Variants in ICE1 observed in about 807,000 individuals in gnomAD.
ICE1 encodes the protein little elongation complex subunit 1.
In ICE1, 64 loss-of-function variants were observed where a neutral mutation model predicts 192.7. That is an observed-to-expected ratio of 0.33 (90% CI 0.27 to 0.41). The LOEUF is 0.41. Among genes scored for constraint, ICE1 ranks in the 10% least tolerant of loss-of-function variants. The pLI is 1.00. For synonymous variants in ICE1, 1,010 were observed against 984.5 expected (o/e 1.03, Z -0.49); for missense variants, 2,708 against 2,696.0 (o/e 1.00, Z -0.10).
At chr5:5,475,701 G>C (rs1739286936) in intron 16 of ICE1, among the ~76,000 whole-genome samples, 1 of 152,178 alleles carries the variant, frequency 6.6e-6, no homozygotes. Context: ...CTGGGACACT[G>C]GGGATGCTCT....
rs1561067398 is a variant in ICE1, at chr5:5,422,991, C to G, written c.76C>G (p.Leu26Val). ...GTCGCGATGTCAGGGCTGCGCCTCT[C>G]TGCAGCAGGTGCAGCACCTCCCGGG... ...DLSRCQGCASLQQNLNEYVEA... is the reference protein window; with the variant it reads ...DLSRCQGCASVQQNLNEYVEA... Residue 26 changes from leucine to valine, a missense_variant, in exon 1 of 19, where the codon CTG becomes GTG. Leu to Val is a conservative substitution (Grantham distance 32). This residue lies in a region of ICE1 where 2,366 missense variants were observed against 2,276.6 expected (regional missense o/e 1.04). Coordinates refer to ENST00000296564, the MANE Select transcript of ICE1 (RefSeq NM_015325.3). The G allele has an allele frequency of 1.4e-6, 2 of 1,441,628 alleles. No homozygotes were observed. Among genetic ancestry groups the G allele is most frequent in the Non-Finnish European group, 1.8e-6 (2 of 1,097,916 alleles). 89.3% of individuals were successfully genotyped at this position (1,441,628 alleles called of 1,614,324 possible). A position where few individuals can be genotyped will look rare whatever the true frequency, so the allele number is the denominator to read the frequency against.
chr5:5,443,338 G>A, intron 6 of ICE1, 94 bp downstream of exon 6: 1 of 664,240 alleles, frequency 1.5e-6, no homozygotes, highest in Non-Finnish European at 2.4e-6. Context: ...TACAGTCTTT[G>A]GATTTCTTGG....
chr5:5,453,924 T>G (rs532373614), intron 10 of ICE1, among the ~76,000 whole-genome samples: 7 of 152,320 alleles, frequency 4.6e-5, no homozygotes, highest in African/African-American at 1.4e-4. Flanking sequence ...TTTACTTTCC[T>G]TATAAAAGTA....
chr5:5,464,563 G>C lies in ICE1; in HGVS notation c.5229G>C (p.Gly1743=). 6.2e-7 allele frequency: 1 copy of C among 1,613,082 alleles called. No homozygotes were observed. The change falls in exon 13 of 19, where the codon GGG becomes GGC. Residue 1743 remains glycine, a synonymous_variant. Coordinates refer to ENST00000296564, the MANE Select transcript of ICE1 (RefSeq NM_015325.3). This position sits in a 1 kb window ranked among gnomAD's most constrained non-coding sequence, Gnocchi z 4.0. The part of the protein sequence containing the change: ...PCASGHAAVG[G]PQENSVKILD... ...CATCTGGCCACGCTGCTGTGGGAGG[G>C]CCTCAGGAGAATTCTGTGAAAATCC...
At chr5:5,470,313 T>C (rs1413579833) in intron 15 of ICE1, among the ~76,000 whole-genome samples, 1 of 152,200 alleles carries the variant, frequency 6.6e-6, no homozygotes, top group African/African-American at 2.4e-5. Flanking sequence ...GAATGTTATC[T>C]GTCCAGCCTG....
chr5:5,442,542 C>T (rs1738081784), intron 5 of ICE1, among the ~76,000 whole-genome samples: 1 of 152,170 alleles, frequency 6.6e-6, no homozygotes, highest in African/African-American at 2.4e-5. Flanking sequence ...TGATAACCCT[C>T]ATTAGTTGTT....
chr5:5,455,584 T>C (rs1335813751), intron 11 of ICE1, among the ~76,000 whole-genome samples: 1 of 152,260 alleles, frequency 6.6e-6, no homozygotes, highest in Admixed American at 6.5e-5. Context: ...ATCTAATGTT[T>C]GTATTTAAAA....
Position 5,463,638 on chromosome 5 carries a change from A to G in ICE1, c.4304A>G (p.His1435Arg), listed in dbSNP as rs867870014. The change falls in exon 13 of 19, where the codon CAT (histidine) becomes CGT (arginine). Residue 1435 changes from histidine (H) to arginine (R), a missense_variant. By Grantham distance (29) the His-to-Arg change is conservative. Coordinates refer to ENST00000296564, the MANE Select transcript of ICE1 (RefSeq NM_015325.3). ...TIISGVAVLP[H>R]VDQVTLCDIP... The stretch of plus-strand genomic sequence containing the variant: ...ATCAGTGGTGTAGCTGTCTTGCCAC[A>G]TGTGGACCAGGTCACACTGTGTGAC... 9 of 1,614,014 alleles carry G rather than the reference A, an allele frequency of 5.6e-6. No individual in the cohort carries two copies. Among genetic ancestry groups the G allele is most frequent in the African/African-American group, 4.0e-5 (3 of 75,054 alleles).
chr5:5,447,711 G>A lies in ICE1; in HGVS notation c.508-10G>A. On this transcript the variant is annotated splice_polypyrimidine_tract_variant and intron_variant, in intron 8 of 18. Transcript: ENST00000296564. ...TCAGCATAAACACTATTAATATTTT[G>A]TTTTCACAGGAAAGGCTTGACGAAT... 1 of 1,571,052 alleles carries A rather than the reference G, an allele frequency of 6.4e-7. No homozygotes were observed. The highest frequency in any genetic ancestry group is 1.2e-5 in the South Asian group (1 of 85,942).
intron 1 of ICE1, among the ~76,000 whole-genome samples, chr5:5,436,182 A>G (rs1400801964): frequency 1.3e-5 from 2 of 152,172 alleles, no homozygotes; most frequent in Admixed American, 6.5e-5. Context: ...TGCACACAGT[A>G]AAAGCATATT....
intron 17 of ICE1, among the ~76,000 whole-genome samples, chr5:5,479,892 A>C (rs773636974): frequency 1.3e-5 from 2 of 152,132 alleles, no homozygotes; most frequent in Non-Finnish European, 2.9e-5. Flanking sequence ...TTGAACAGTG[A>C]GAACACATGG....
chr5:5,466,966 C>T (rs1003435779), intron 14 of ICE1, among the ~76,000 whole-genome samples: 38 of 152,116 alleles, frequency 2.5e-4, no homozygotes, highest in African/African-American at 8.9e-4. Flanking sequence ...TCTTCCATCC[C>T]TACTAGTGGA....
At chr5:5,473,970 G>A (rs1739238822) in intron 16 of ICE1, among the ~76,000 whole-genome samples, 1 of 152,080 alleles carries the variant, frequency 6.6e-6, no homozygotes, top group South Asian at 2.1e-4. Context: ...CAGCACTTTG[G>A]GAGGCCGAGG....
chr5:5,438,836 G>A (rs1395244324), intron 3 of ICE1, among the ~76,000 whole-genome samples: 2 of 152,040 alleles, frequency 1.3e-5, no homozygotes, highest in South Asian at 2.1e-4. Flanking sequence ...ATGATATTTG[G>A]CTTCATTGTC....
intron 1 of ICE1, among the ~76,000 whole-genome samples, chr5:5,426,342 G>A (rs1737518061): frequency 6.6e-6 from 1 of 152,086 alleles, no homozygotes; most frequent in Admixed American, 6.5e-5. Context: ...CTACTCAGGA[G>A]GCTGAGGCAG....
rs1554015420 is a variant in ICE1, at chr5:5,463,270, A to G, written c.3936A>G (p.Ser1312=). The G allele has an allele frequency of 1.9e-6, 3 of 1,613,536 alleles. No individual in the cohort carries two copies. The highest frequency in any genetic ancestry group is 2.5e-6 in the Non-Finnish European group (3 of 1,179,742). The change falls in exon 13 of 19, where the codon TCA becomes TCG. Residue 1312 remains serine (S), a synonymous_variant. Transcript: ENST00000296564. ...CATTTCGGGAAACGACTGGCTCCTCATCACATGCTTCAGAACCAACCCCAC... is the reference window on the plus strand; with the variant it reads ...CATTTCGGGAAACGACTGGCTCCTCGTCACATGCTTCAGAACCAACCCCAC... The part of the protein sequence containing the change: ...KSPFRETTGS[S]SHASEPTPQA...
In ICE1 at chr5:5,466,361, A is replaced by AG; in HGVS notation, c.5920_5921insG (p.Ile1974SerfsTer46). Reference sequence around the variant, plus strand: ...TTTAGCAGAGTGCTTGCTTCACTCTATTCTCTCAGAACTAAAAATTCAGAA... The same window carrying AG: ...TTTAGCAGAGTGCTTGCTTCACTCTAGTTCTCTCAGAACTAAAAATTCAGAA... On this transcript the variant is annotated frameshift_variant, in exon 14 of 19. Transcript: ENST00000296564. LOFTEE classifies it high-confidence loss of function. The AG allele has an allele frequency of 6.2e-7, 1 of 1,611,782 alleles. No individual in the cohort carries two copies. The highest frequency in any genetic ancestry group is 8.5e-7 in the Non-Finnish European group (1 of 1,179,126).
At chr5:5,434,220 C>A (rs1737803742) in intron 1 of ICE1, among the ~76,000 whole-genome samples, 1 of 152,170 alleles carries the variant, frequency 6.6e-6, no homozygotes, top group Non-Finnish European at 1.5e-5. Context: ...AACCAATAAC[C>A]TGGAACAGAG....
chr5:5,446,093 T>A (rs2560298), intron 7 of ICE1, among the ~76,000 whole-genome samples: 1 of 151,724 alleles, frequency 6.6e-6, no homozygotes, highest in Non-Finnish European at 1.5e-5. Flanking sequence ...TCATAGCTCA[T>A]GGTAACTCTG....
Sources: allele counts gnomAD v4.1 joint callset (sites outside exome capture counted in the v4.1 genomes callset), GRCh38; gene constraint gnomAD v4.1.1; regional missense constraint gnomAD v4.1.1; non-coding constraint Gnocchi (gnomAD v3.1); transcripts MANE v1.5; gene names NCBI Gene and HGNC (gene_info 2026-07-23, HGNC 2026-07-21).